The following BEAN1 variants were observed in gnomAD, a reference collection of about 807,000 sequenced individuals.
The protein encoded by BEAN1 is protein BEAN1.
In BEAN1, 17 loss-of-function variants were observed where a neutral mutation model predicts 17.7. That is an observed-to-expected ratio of 0.96 (90% CI 0.66 to 1.44). The LOEUF (loss-of-function observed/expected upper bound fraction) is 1.44. BEAN1 is among the 40% of genes most tolerant of loss of function. The pLI, the probability that BEAN1 is intolerant of heterozygous loss-of-function variation, is 0.00. For missense variants in BEAN1, 359 were observed against 374.1 expected (o/e 0.96, Z 0.33); for synonymous variants, 142 against 151.8 (o/e 0.94, Z 0.47).
chr16:66,461,474 G>A (rs1963079009), intron 2 of BEAN1, among the ~76,000 whole-genome samples: 3 of 152,056 alleles, frequency 2.0e-5, no homozygotes, highest in Admixed American at 2.0e-4. Flanking sequence ...CTCATCTGCT[G>A]CTGACGCAGG....
chr16:66,439,587 A>T (rs1290298515), intron 2 of BEAN1, among the ~76,000 whole-genome samples: 1 of 148,262 alleles, frequency 6.7e-6, no homozygotes, highest in African/African-American at 2.4e-5. Context: ...CCCTCTGCAT[A>T]TCCACCTCCT....
At chr16:66,488,371 G>A (rs1964117592) in intron 4 of BEAN1, among the ~76,000 whole-genome samples, 1 of 152,042 alleles carries the variant, frequency 6.6e-6, no homozygotes, top group African/African-American at 2.4e-5. Flanking sequence ...TTGGCCTGGT[G>A]ACTATACTCT....
At chr16:66,468,479 CG>C (rs1963341734) in intron 2 of BEAN1, among the ~76,000 whole-genome samples, 1 of 152,172 alleles carries the variant, frequency 6.6e-6, no homozygotes, top group Non-Finnish European at 1.5e-5. Flanking sequence ...TTCAGAGATC[CG>C]GCTGGCAGCC....
chr16:66,463,066 A>T (rs1293709655), intron 2 of BEAN1, among the ~76,000 whole-genome samples: 1 of 152,188 alleles, frequency 6.6e-6, no homozygotes, highest in East Asian at 1.9e-4. Context: ...GCTGTGCACC[A>T]TGTACTTTGC....
At chr16:66,464,426 C>T (rs1035593927) in intron 2 of BEAN1, among the ~76,000 whole-genome samples, 3 of 152,052 alleles carry the variant, frequency 2.0e-5, no homozygotes, top group South Asian at 2.1e-4. Flanking sequence ...CTGCAAACTC[C>T]GTCTTCCAGG....
chr16:66,440,971 T>C (rs1463061785), intron 2 of BEAN1, among the ~76,000 whole-genome samples: 2 of 152,164 alleles, frequency 1.3e-5, no homozygotes, highest in Non-Finnish European at 2.9e-5. Context: ...GGGTTCTGAA[T>C]TGGCTCAACA....
chr16:66,445,508 A>C (rs1305695946), intron 2 of BEAN1, among the ~76,000 whole-genome samples: 4 of 125,630 alleles, frequency 3.2e-5, no homozygotes, highest in African/African-American at 1.2e-4. Flanking sequence ...AAAAAAAAAA[A>C]AAAAAAAGCA....
At chr16:66,448,211 CTGT>C (rs1318325668) in intron 2 of BEAN1, among the ~76,000 whole-genome samples, 7 of 107,066 alleles carry the variant, frequency 6.5e-5, no homozygotes, top group South Asian at 3.4e-4. Flanking sequence ...CTAGGGTTTG[CTGT>C]TGTTGTTGTT....
chr16:66,460,024 C>G (rs1963023043), intron 2 of BEAN1, among the ~76,000 whole-genome samples: 1 of 152,200 alleles, frequency 6.6e-6, no homozygotes, highest in Admixed American at 6.5e-5. Context: ...CCGTGCACAC[C>G]AAGCAACCAG....
intron 1 of BEAN1, among the ~76,000 whole-genome samples, chr16:66,432,472 C>T (rs1961843216): frequency 6.6e-6 from 1 of 152,220 alleles, no homozygotes; most frequent in Non-Finnish European, 1.5e-5. Context: ...ACCGAAGTCC[C>T]TGGGATTTCT....
At chr16:66,493,617 T>C (rs1303418400), downstream of BEAN1, 5 of 531,106 alleles carry the variant, frequency 9.4e-6, no homozygotes, top group Non-Finnish European at 1.3e-5. Flanking sequence ...GGTGAGGTGG[T>C]CACCGCCTCA....
At position 66,469,659 on chromosome 16, in the gene BEAN1, A is replaced by G. The variant is rs1423139879; in HGVS notation, c.83A>G (p.His28Arg). 1 of 1,535,984 alleles carries G rather than the reference A, an allele frequency of 6.5e-7. No individual in the cohort carries two copies. The highest frequency in any genetic ancestry group is 2.0e-5 in the Admixed American group (1 of 50,994). The change falls in exon 3 of 5, where the codon CAC becomes CGC. Residue 28 changes from histidine (H) to arginine (R), a missense_variant. By Grantham distance (29) the His-to-Arg change is conservative (BLOSUM62 0). Coordinates refer to ENST00000536005, the MANE Select transcript of BEAN1 (RefSeq NM_001178020.3). ...CCCACATTCTCAGAGAGCTCGGAGC[A>G]CAGCCATCTGCTCGTGTCCCCCGTG... ...FYPTFSESSEHSHLLVSPVLV... is the reference protein window; with the variant it reads ...FYPTFSESSERSHLLVSPVLV...
At chr16:66,466,714 C>T (rs376774683) in intron 2 of BEAN1, among the ~76,000 whole-genome samples, 18 of 152,126 alleles carry the variant, frequency 1.2e-4, no homozygotes, top group African/African-American at 3.6e-4. Context: ...TACAAGCACC[C>T]ACCACCACGC....
downstream of BEAN1, among the ~76,000 whole-genome samples, chr16:66,494,011 C>A (rs1249446327): frequency 1.3e-5 from 2 of 152,170 alleles, no homozygotes; most frequent in Non-Finnish European, 2.9e-5. Context: ...GGCTCCCCTG[C>A]ATGGATGAGA....
At chr16:66,439,683 C>G (rs1333149584) in intron 2 of BEAN1, among the ~76,000 whole-genome samples, 1 of 152,168 alleles carries the variant, frequency 6.6e-6, no homozygotes, top group African/African-American at 2.4e-5. Flanking sequence ...TCCCCAAAGA[C>G]CCAATACCTA....
At chr16:66,428,829 C>G (rs904785507) in intron 1 of BEAN1, among the ~76,000 whole-genome samples, 2 of 152,150 alleles carry the variant, frequency 1.3e-5, no homozygotes, top group Non-Finnish European at 2.9e-5. Flanking sequence ...TTTGAATTCC[C>G]CAAGCTGTTG....
Position 66,434,034 on chromosome 16 carries a change from C to T in BEAN1, c.-82-3561C>T, listed in dbSNP as rs1318753515. 6.6e-6 allele frequency among the ~76,000 whole-genome samples: 1 copy of T among 152,232 alleles called. No individual in the cohort carries two copies. Among genetic ancestry groups the T allele is most frequent in the Non-Finnish European group, 1.5e-5 (1 of 68,032 alleles). Reference sequence around the variant, plus strand: ...GGGAATGACGTGGACTTGCCACACACCATTCAGCCACTTCAAAGCCTGGAG... The same window carrying T: ...GGGAATGACGTGGACTTGCCACACATCATTCAGCCACTTCAAAGCCTGGAG... On this transcript the variant is annotated intron_variant, in intron 1 of 4. Coordinates refer to ENST00000536005, the MANE Select transcript of BEAN1 (RefSeq NM_001178020.3). The surrounding 1 kb of genome is among the most constrained non-coding windows in gnomAD (Gnocchi z 4.3).
intron 4 of BEAN1, among the ~76,000 whole-genome samples, chr16:66,488,543 G>GAAAA (rs1555522825): frequency 4.8e-5 from 6 of 126,260 alleles, no homozygotes; most frequent in African/African-American, 3.1e-5. Flanking sequence ...AAAAAAAACT[G>GAAAA]TTTTAATTAG....
chr16:66,487,696 G>A (rs528103824), downstream of BEAN1, among the ~76,000 whole-genome samples: 1 of 152,240 alleles, frequency 6.6e-6, no homozygotes, highest in African/African-American at 2.4e-5. Flanking sequence ...TGTGAGTGAA[G>A]GCTGAGTATG....
Sources: allele counts gnomAD v4.1 joint callset (sites outside exome capture counted in the v4.1 genomes callset), GRCh38; gene constraint gnomAD v4.1.1; non-coding constraint Gnocchi (gnomAD v3.1); transcripts MANE v1.5; gene names NCBI Gene and HGNC (gene_info 2026-07-23, HGNC 2026-07-21).